The following ARNT2 variants were observed in gnomAD, a reference collection of about 807,000 sequenced individuals.
ARNT2 encodes the protein ARNT protein 2.
Under a neutral mutation model 91.7 loss-of-function variants are expected in ARNT2, and 36 were observed. That is an observed-to-expected ratio of 0.39 (90% CI 0.30 to 0.52). The LOEUF (loss-of-function observed/expected upper bound fraction) is 0.52, where lower values mean the gene tolerates loss of function less well. Among genes scored for constraint, ARNT2 ranks in the 20% least tolerant of loss-of-function variants. The pLI is 0.72. For missense variants in ARNT2, 775 were observed against 939.3 expected, an observed-to-expected ratio of 0.83 and a Z score of 2.29; for synonymous variants, 365 against 347.1, an observed-to-expected ratio of 1.05 and a Z score of -0.57.
In ARNT2 at chr15:80,596,036, G is replaced by A. The variant is rs1893369639; in HGVS notation, c.*2338G>A. 1 of 152,228 alleles carries A rather than the reference G, an allele frequency of 6.6e-6. No individual in the cohort carries two copies. Among genetic ancestry groups the A allele is most frequent in the South Asian group, 2.1e-4 (1 of 4,832 alleles). The allele number at this position is 152,228 out of a possible 1,614,324, so 9.4% of individuals were successfully genotyped here. A position where few individuals can be genotyped will look rare whatever the true frequency, so the allele number is the denominator to read the frequency against. On this transcript the variant is annotated 3_prime_UTR_variant, in exon 19 of 19. Coordinates refer to ENST00000303329, the MANE Select transcript of ARNT2 (RefSeq NM_014862.4). ...CTTCTGTTTCTTGGAGGAGAGTTGA[G>A]GCTTTTCTTAGGTGCATACACAGAC... is the stretch of plus-strand genomic sequence containing the variant.
rs536343208 is a variant in ARNT2, at chr15:80,454,144, T to A, written c.146+3150T>A. 4.2e-3 allele frequency among the ~76,000 whole-genome samples: 633 copies of A among 152,372 alleles called. 6 individuals are homozygous for A. The highest frequency in any genetic ancestry group is 4.5e-3 in the Non-Finnish European group (305 of 68,044). On this transcript the variant is annotated intron_variant, in intron 2 of 18. Coordinates refer to ENST00000303329, the MANE Select transcript of ARNT2 (RefSeq NM_014862.4). ...AAGGTGGAGGTTCCAAAGTCCCAGA[T>A]TCTTTCAAAAGTGATTCCACATGCG...
rs756160275 is a variant in ARNT2 at position 80,551,271 on chromosome 15, T to C, written c.950T>C (p.Leu317Pro). 1 of 1,613,550 alleles carries C rather than the reference T, an allele frequency of 6.2e-7. No individual in the cohort carries two copies. Among genetic ancestry groups the C allele is most frequent in the Non-Finnish European group, 8.5e-7 (1 of 1,179,500 alleles). Residue 317 changes from leucine to proline, a missense_variant, in exon 9 of 19, where the codon CTC becomes CCC. Around this residue, in one of 5 missense-constraint regions of ARNT2, gnomAD observed 285 missense variants for 327.2 expected, o/e 0.87. Coordinates refer to ENST00000303329, the MANE Select transcript of ARNT2 (RefSeq NM_014862.4). Reference sequence around the variant, plus strand: ...TATTGCCTCGTGGCAATTGGGAGACTCCAGGTAAGAAAAAATTCGTAGCCT... The same window carrying C: ...TATTGCCTCGTGGCAATTGGGAGACCCCAGGTAAGAAAAAATTCGTAGCCT... ...SKYCLVAIGR[L>P]QVTSSPVCMD...
At chr15:80,479,445 G>A (rs1896853832) in intron 5 of ARNT2, among the ~76,000 whole-genome samples, 2 of 152,186 alleles carry the variant, frequency 1.3e-5, no homozygotes, top group Non-Finnish European at 2.9e-5. Context: ...GAGAATGGGT[G>A]AAGCCTTACC....
chr15:80,511,709 G>T (rs1193594537), intron 6 of ARNT2, among the ~76,000 whole-genome samples: 15 of 152,116 alleles, frequency 9.9e-5, no homozygotes. Context: ...GGTATAGACA[G>T]AGGAGAAGAC....
intron 8 of ARNT2, among the ~76,000 whole-genome samples, chr15:80,519,944 C>T (rs1177727890): frequency 1.3e-5 from 2 of 150,200 alleles, no homozygotes; most frequent in African/African-American, 4.9e-5. Context: ...ATGCTCCGCC[C>T]GCTTTGGCCT....
At chr15:80,528,247 G>A (rs1897671759) in intron 8 of ARNT2, among the ~76,000 whole-genome samples, 1 of 152,120 alleles carries the variant, frequency 6.6e-6, no homozygotes, top group Admixed American at 6.5e-5. Context: ...ACTCAGGGAG[G>A]CTGATTCCAG....
intron 17 of ARNT2, among the ~76,000 whole-genome samples, chr15:80,590,807 G>A (rs199710097): frequency 6.6e-6 from 1 of 152,042 alleles, no homozygotes; most frequent in South Asian, 2.1e-4. Context: ...CTGTTTTTTT[G>A]TATAAACTGT....
intron 3 of ARNT2, among the ~76,000 whole-genome samples, chr15:80,465,239 T>C: frequency 6.6e-6 from 1 of 152,190 alleles, no homozygotes; most frequent in Non-Finnish European, 1.5e-5. Context: ...TGGTGTCTGG[T>C]CTTCCAGTTC....
intron 12 of ARNT2, 50 bp downstream of exon 12, chr15:80,563,289 G>T: frequency 6.2e-7 from 1 of 1,605,780 alleles, no homozygotes; most frequent in Non-Finnish European, 8.5e-7. Context: ...CGCTTGCTTG[G>T]GTCCAGAGCT....
chr15:80,490,620 AG>A (rs1185649972), intron 5 of ARNT2, among the ~76,000 whole-genome samples: 1 of 152,258 alleles, frequency 6.6e-6, no homozygotes, highest in African/African-American at 2.4e-5. Context: ...CCCGCCCCAC[AG>A]TCCCGTCTCC....
chr15:80,466,477 A>T (rs1042969504), intron 3 of ARNT2, among the ~76,000 whole-genome samples: 1 of 152,092 alleles, frequency 6.6e-6, no homozygotes, highest in African/African-American at 2.4e-5. Context: ...TATTGATGCT[A>T]CTCAGCCCCG....
chr15:80,427,516 C>T (rs1197636612), intron 1 of ARNT2, among the ~76,000 whole-genome samples: 2 of 152,044 alleles, frequency 1.3e-5, no homozygotes, highest in Non-Finnish European at 1.5e-5. Context: ...AAGGAGAACA[C>T]GGACTTGAGG....
At chr15:80,565,999 A>G (rs1596017617) in intron 12 of ARNT2, among the ~76,000 whole-genome samples, 1 of 152,316 alleles carries the variant, frequency 6.6e-6, no homozygotes, top group Non-Finnish European at 1.5e-5. Context: ...GGAGAATGAC[A>G]GAACGTACTG....
chr15:80,474,504 G>A (rs1017437336), intron 4 of ARNT2, among the ~76,000 whole-genome samples: 3 of 152,202 alleles, frequency 2.0e-5, no homozygotes, highest in Non-Finnish European at 1.5e-5. Context: ...AAAGAGAAAA[G>A]GAACAAGAGG....
chr15:80,552,606 A>G (rs1898100618), intron 9 of ARNT2, 34 bp from the exon 10 acceptor site: 2 of 1,607,632 alleles, frequency 1.2e-6, no homozygotes, highest in South Asian at 1.1e-5. Flanking sequence ...GTCTCTGTCA[A>G]CACCACCTCA....
intron 15 of ARNT2, among the ~76,000 whole-genome samples, chr15:80,579,297 C>G (rs1898747701): frequency 6.6e-6 from 1 of 152,120 alleles, no homozygotes; most frequent in African/African-American, 2.4e-5. Context: ...GAAAGGAGCC[C>G]TTATGTTAAA....
At chr15:80,405,098 C>T (rs1013479270) in intron 1 of ARNT2, among the ~76,000 whole-genome samples, 1 of 152,204 alleles carries the variant, frequency 6.6e-6, no homozygotes, top group Non-Finnish European at 1.5e-5. Flanking sequence ...AAACACCCAG[C>T]CTGTGGTCAC....
intron 14 of ARNT2, among the ~76,000 whole-genome samples, chr15:80,576,039 G>T (rs1898667692): frequency 6.6e-6 from 1 of 152,198 alleles, no homozygotes; most frequent in Non-Finnish European, 1.5e-5. Context: ...AGCCTTCTGA[G>T]GAAGATACTT....
At chr15:80,426,959 A>C (rs1011963550) in intron 1 of ARNT2, among the ~76,000 whole-genome samples, 1 of 152,048 alleles carries the variant, frequency 6.6e-6, no homozygotes, top group Non-Finnish European at 1.5e-5. Context: ...TCTTCTTTTC[A>C]TCCTATCATG....
Sources: gnomAD v4.1 joint callset for allele counts (sites outside exome capture counted in the v4.1 genomes callset) on GRCh38, gnomAD v4.1.1 for gene constraint, gnomAD v4.1.1 regional missense constraint, MANE v1.5 for transcripts, NCBI Gene and HGNC (gene_info 2026-07-23, HGNC 2026-07-21) for gene names.